Variants in DENND2B observed in about 807,000 individuals in gnomAD.
DENND2B encodes DENN domain-containing protein 2B.
Under a neutral mutation model 116.0 loss-of-function variants are expected in DENND2B, and 32 were observed. That is an observed-to-expected ratio of 0.28 (90% CI 0.21 to 0.37). The LOEUF (loss-of-function observed/expected upper bound fraction) is 0.37, where lower values mean the gene tolerates loss of function less well. DENND2B is among the 10% of genes least tolerant of loss of function. The pLI is 1.00. For missense variants in DENND2B, 1,276 were observed against 1,477.7 expected, an observed-to-expected ratio of 0.86 and a Z score of 2.24; for synonymous variants, 588 against 583.9, an observed-to-expected ratio of 1.01 and a Z score of -0.10.
At chr11:8,756,946 A>G (rs1279047065) in intron 1 of DENND2B, 2 of 448,748 alleles carry the variant, frequency 4.5e-6, no homozygotes, top group Non-Finnish European at 8.9e-6. Flanking sequence ...TTCAATTAGC[A>G]TATACCATCC....
Position 8,707,359 on chromosome 11 carries a change from A to G in DENND2B, c.2431-134T>C. On this transcript the variant is annotated intron_variant, in intron 12 of 19. Coordinates refer to ENST00000313726, the MANE Select transcript of DENND2B (RefSeq NM_213618.2). This position sits in a 1 kb window ranked among gnomAD's most constrained non-coding sequence, Gnocchi z 4.8. The stretch of plus-strand genomic sequence containing the variant: ...TGGGAGACGGGAAGGTGGTCTTGCC[A>G]TGATCTGCACACTCTACCCTTCCCG... 1.7e-6 allele frequency: 2 copies of G among 1,176,730 alleles called. No homozygotes were observed. The highest frequency in any genetic ancestry group is 1.2e-6 in the Non-Finnish European group (1 of 856,846). 72.9% of individuals were successfully genotyped at this position (1,176,730 alleles called of 1,614,324 possible).
chr11:8,816,812 CT>C (rs2061584537), intron 4 of DENND2B, among the ~76,000 whole-genome samples: 1 of 152,086 alleles, frequency 6.6e-6, no homozygotes, highest in Non-Finnish European at 1.5e-5. Context: ...GGGGCCTTTG[CT>C]TTTTCCTCCA....
chr11:8,859,290 GTTTT>G (rs869212087), intron 2 of DENND2B, among the ~76,000 whole-genome samples: 8 of 136,860 alleles, frequency 5.8e-5, no homozygotes, highest in South Asian at 2.3e-4. Flanking sequence ...ACACTAACGT[GTTTT>G]TTTGTTTGTT....
At chr11:8,838,073 T>C (rs982228147) in intron 4 of DENND2B, among the ~76,000 whole-genome samples, 1 of 152,210 alleles carries the variant, frequency 6.6e-6, no homozygotes, top group Non-Finnish European at 1.5e-5. Flanking sequence ...AGAATTTCCA[T>C]CAGTTTTTCT....
At chr11:8,857,906 T>C (rs2063251550) in intron 2 of DENND2B, among the ~76,000 whole-genome samples, 1 of 152,246 alleles carries the variant, frequency 6.6e-6, no homozygotes, top group African/African-American at 2.4e-5. Flanking sequence ...GATTCCTATA[T>C]GCTCGACCAA....
chr11:8,718,263 A>G, intron 4 of DENND2B: 1 of 1,167,998 alleles, frequency 8.6e-7, no homozygotes, highest in Non-Finnish European at 1.2e-6. Flanking sequence ...TCTGCTGCAA[A>G]CACCCCAGAG....
At chr11:8,694,754 C>T in intron 19 of DENND2B, 1 of 394,278 alleles carries the variant, frequency 2.5e-6, no homozygotes, top group Non-Finnish European at 4.9e-6. Context: ...ATTCCCTAAA[C>T]AATACAGTAT....
chr11:8,710,866 A>G lies in DENND2B; in HGVS notation c.2331T>C (p.Phe777=). The change falls in exon 11 of 20, where the codon TTT becomes TTC. Residue 777 remains phenylalanine (F), a synonymous_variant. Coordinates refer to ENST00000313726, the MANE Select transcript of DENND2B (RefSeq NM_213618.2). ...MLTGEDGSRR[F]GYCRRLLPSG... The stretch of plus-strand genomic sequence containing the variant: ...TCACCAGTAAGCGCCTGCAGTAGCC[A>G]AAGCGTCTGCTGCCATCTTCCCCAG... The G allele has an allele frequency of 6.2e-7, 1 of 1,613,970 alleles. No homozygotes were observed. The highest frequency in any genetic ancestry group is 8.5e-7 in the Non-Finnish European group (1 of 1,180,002).
At chr11:8,828,116 T>TA (rs1387963465) in intron 4 of DENND2B, among the ~76,000 whole-genome samples, 1 of 152,188 alleles carries the variant, frequency 6.6e-6, no homozygotes, top group Non-Finnish European at 1.5e-5. Context: ...CCATGAAGTT[T>TA]ACTACCTTGA....
chr11:8,899,379 G>C (rs1376864592), intron 1 of DENND2B, among the ~76,000 whole-genome samples: 1 of 152,118 alleles, frequency 6.6e-6, no homozygotes, highest in Non-Finnish European at 1.5e-5. Flanking sequence ...TAAACACAAA[G>C]AGGTCCATAC....
chr11:8,701,227 T>C (rs1413596638), intron 14 of DENND2B, among the ~76,000 whole-genome samples: 1 of 152,116 alleles, frequency 6.6e-6, no homozygotes, highest in East Asian at 1.9e-4. Context: ...CGTTGTCCTC[T>C]TGCCCTTGCC....
At chr11:8,899,690 A>G (rs1157517979) in intron 1 of DENND2B, among the ~76,000 whole-genome samples, 1 of 152,246 alleles carries the variant, frequency 6.6e-6, no homozygotes, top group Non-Finnish European at 1.5e-5. Context: ...TTGCCTTACA[A>G]GAAATACTGA....
chr11:8,802,252 G>C (rs1375800749), intron 1 of DENND2B, among the ~76,000 whole-genome samples: 1 of 150,520 alleles, frequency 6.6e-6, no homozygotes, highest in Non-Finnish European at 1.5e-5. Flanking sequence ...AGTGAGCCGA[G>C]ATCGTGCCAC....
chr11:8,756,794 G>A (rs2053685053), intron 1 of DENND2B, among the ~76,000 whole-genome samples: 1 of 152,148 alleles, frequency 6.6e-6, no homozygotes, highest in Non-Finnish European at 1.5e-5. Context: ...CAGACTGCAG[G>A]GAGAGAAGAC....
At chr11:8,892,780 A>G (rs1245951330) in intron 1 of DENND2B, among the ~76,000 whole-genome samples, 2 of 152,234 alleles carry the variant, frequency 1.3e-5, no homozygotes, top group African/African-American at 4.8e-5. Flanking sequence ...AAAAAAGTCC[A>G]GGACCAAATG....
chr11:8,754,692 TAAAC>T (rs986831049), intron 1 of DENND2B, among the ~76,000 whole-genome samples: 4 of 152,224 alleles, frequency 2.6e-5, no homozygotes, highest in Non-Finnish European at 4.4e-5. Context: ...CAACTGATGA[TAAAC>T]AAAATGTGGT....
intron 1 of DENND2B, among the ~76,000 whole-genome samples, chr11:8,764,952 A>C (rs1467944779): frequency 6.7e-6 from 1 of 149,752 alleles, no homozygotes; most frequent in Non-Finnish European, 1.5e-5. Flanking sequence ...CAAAAAAAAA[A>C]AAAAAAAAAA....
chr11:8,781,585 G>A lies in DENND2B; in HGVS notation c.-26+28932C>T, dbSNP rs2058377570. Among the ~76,000 whole-genome samples, 3 of 150,594 alleles carry A rather than the reference G, an allele frequency of 2.0e-5. No individual in the cohort carries two copies. In the South Asian group the frequency reaches 6.3e-4, roughly 32 times the overall value. On this transcript the variant is annotated intron_variant, in intron 1 of 19. Transcript: ENST00000313726. ...ATACTGTTGGATGTTCTGTAAACCA[G>A]TATAATTTTTCTGGAAAACAATTTA... is the stretch of plus-strand genomic sequence containing the variant.
chr11:8,695,605 G>A, intron 18 of DENND2B, 56 bp from the exon 19 acceptor site: 28 of 1,506,100 alleles, frequency 1.9e-5, no homozygotes, highest in Non-Finnish European at 2.6e-5. Flanking sequence ...AAGGGAAGGA[G>A]AGGCCTACAT....
Sources: gnomAD v4.1 joint callset for allele counts (sites outside exome capture counted in the v4.1 genomes callset) on GRCh38, gnomAD v4.1.1 for gene constraint, Gnocchi (gnomAD v3.1) non-coding constraint, MANE v1.5 for transcripts, NCBI Gene and HGNC (gene_info 2026-07-23, HGNC 2026-07-21) for gene names.